Variants in RAB3GAP1 observed in about 807,000 individuals in gnomAD.
The protein encoded by RAB3GAP1 is rab3 GTPase-activating protein catalytic subunit.
A neutral mutation model predicts 130.7 loss-of-function variants in RAB3GAP1; 86 were observed. The observed-to-expected ratio is 0.66, with a 90% CI of 0.55 to 0.79. The LOEUF (loss-of-function observed/expected upper bound fraction) is 0.79. Ranked by LOEUF, RAB3GAP1 falls within the 30% of genes least tolerant of loss-of-function variation. The pLI, the probability that RAB3GAP1 is intolerant of heterozygous loss-of-function variation, is 0.00. For missense variants in RAB3GAP1, 1,029 were observed against 1,169.4 expected (o/e 0.88, Z 1.75); for synonymous variants, 367 against 401.7 (o/e 0.91, Z 1.03).
chr2:135,140,017 T>C (rs1691792094), intron 17 of RAB3GAP1, among the ~76,000 whole-genome samples: 1 of 152,214 alleles, frequency 6.6e-6, no homozygotes, highest in South Asian at 2.1e-4. Context: ...TCATACATTA[T>C]ATACCATTGA....
chr2:135,163,152 A>C (rs764706473), intron 22 of RAB3GAP1, 51 bp downstream of exon 22: 2 of 1,270,624 alleles, frequency 1.6e-6, no homozygotes, highest in East Asian at 4.6e-5. Flanking sequence ...AAAAGCCACC[A>C]CTCTCTTAAG....
At chr2:135,147,830 G>C (rs1692046706) in intron 17 of RAB3GAP1, among the ~76,000 whole-genome samples, 1 of 152,038 alleles carries the variant, frequency 6.6e-6, no homozygotes, top group Admixed American at 6.5e-5. Flanking sequence ...CCATATTGGA[G>C]TCCCTATTTT....
At chr2:135,052,395 C>T in intron 1 of RAB3GAP1, 35 bp from the exon 2 acceptor site, 3 of 1,614,080 alleles carry the variant, frequency 1.9e-6, no homozygotes, top group Non-Finnish European at 2.5e-6. Flanking sequence ...CGCCTTGGGG[C>T]TTAATTTCTT....
chr2:135,154,058 A>AATAATAG (rs1414121993), intron 19 of RAB3GAP1, among the ~76,000 whole-genome samples, 182 bp downstream of exon 19: 1 of 152,212 alleles, frequency 6.6e-6, no homozygotes, highest in Non-Finnish European at 1.5e-5. Flanking sequence ...AAATAGGGCA[A>AATAATAG]ATAATAGGCA....
intron 3 of RAB3GAP1, among the ~76,000 whole-genome samples, chr2:135,075,786 A>G (rs1689615739): frequency 6.6e-6 from 1 of 152,104 alleles, no homozygotes; most frequent in Admixed American, 6.6e-5. Context: ...TCATAGGATC[A>G]AAAACTTTTT....
chr2:135,104,038 G>C (rs1690525376), intron 5 of RAB3GAP1, among the ~76,000 whole-genome samples: 1 of 152,190 alleles, frequency 6.6e-6, no homozygotes. Flanking sequence ...TCATTTAGCA[G>C]AAAGTGAAAG....
At chr2:135,074,030 G>A (rs1027690320) in intron 3 of RAB3GAP1, among the ~76,000 whole-genome samples, 1 of 152,166 alleles carries the variant, frequency 6.6e-6, no homozygotes, top group African/African-American at 2.4e-5. Context: ...CTGGCACTAG[G>A]GCCTTACACT....
chr2:135,130,988 A>G (rs547312340), intron 13 of RAB3GAP1, among the ~76,000 whole-genome samples: 1 of 152,298 alleles, frequency 6.6e-6, no homozygotes, highest in Non-Finnish European at 1.5e-5. Context: ...GAATCAGGGA[A>G]GGCTTCATGA....
intron 13 of RAB3GAP1, among the ~76,000 whole-genome samples, chr2:135,132,670 A>T (rs995042945): frequency 2.0e-4 from 30 of 152,198 alleles, no homozygotes; most frequent in Admixed American, 3.3e-4. Context: ...TTAAGAAAAA[A>T]ATTCTAATTT....
chr2:135,121,414 T>C (rs992792904), intron 8 of RAB3GAP1, among the ~76,000 whole-genome samples: 1 of 152,164 alleles, frequency 6.6e-6, no homozygotes, highest in East Asian at 1.9e-4. Flanking sequence ...ATAATCAAAA[T>C]CAATTTGCCT....
chr2:135,056,803 G>A (rs978927685), intron 2 of RAB3GAP1, among the ~76,000 whole-genome samples: 2 of 152,164 alleles, frequency 1.3e-5, no homozygotes, highest in South Asian at 4.1e-4. Context: ...TAATTTTAAA[G>A]AGGAATTAGT....
chr2:135,079,287 CT>C (rs944078644), intron 3 of RAB3GAP1, among the ~76,000 whole-genome samples: 5 of 152,108 alleles, frequency 3.3e-5, no homozygotes, highest in Admixed American at 2.0e-4. Context: ...CACCTGGCCC[CT>C]ATACTACTTT....
intron 18 of RAB3GAP1, chr2:135,152,967 A>C (rs960101202): frequency 6.6e-6 from 1 of 152,644 alleles, no homozygotes; most frequent in Non-Finnish European, 1.5e-5. Context: ...CCACTGAGTA[A>C]AACTTTAATC....
At chr2:135,174,931 A>C (rs964814921), downstream of RAB3GAP1, among the ~76,000 whole-genome samples, 1 of 152,130 alleles carries the variant, frequency 6.6e-6, no homozygotes, top group Non-Finnish European at 1.5e-5. Context: ...GACGTGCCCT[A>C]TCCTGCCCTG....
intron 5 of RAB3GAP1, among the ~76,000 whole-genome samples, chr2:135,112,189 C>T (rs1396654680): frequency 9.2e-5 from 14 of 152,284 alleles, no homozygotes; most frequent in African/African-American, 3.4e-4. Flanking sequence ...TAGTGGTGAC[C>T]TCAAACTGTA....
Position 135,168,545 on chromosome 2 carries a change from G to T in RAB3GAP1, c.2710G>T (p.Ala904Ser). 6.2e-7 allele frequency: 1 copy of T among 1,613,362 alleles called. No individual in the cohort carries two copies. The highest frequency in any genetic ancestry group is 8.5e-7 in the Non-Finnish European group (1 of 1,179,364). The part of the protein sequence containing the change: ...IHKLFVNAQR[A>S]AAMTPPEEEL... ...ACTTTAGCATTTGATTCTTTTCCAGGCTGCAGCTATGACTCCACCAGAGGA... is the reference window on the plus strand; with the variant it reads ...ACTTTAGCATTTGATTCTTTTCCAGTCTGCAGCTATGACTCCACCAGAGGA... The change falls in exon 24 of 24, where the codon GCT becomes TCT. Residue 904 changes from alanine to serine, a missense_variant and splice_region_variant. By Grantham distance (99) the Ala-to-Ser change is moderately conservative. Coordinates refer to ENST00000264158, the MANE Select transcript of RAB3GAP1 (RefSeq NM_012233.3).
At chr2:135,136,836 T>C in intron 17 of RAB3GAP1, 1 of 480,014 alleles carries the variant, frequency 2.1e-6, no homozygotes, top group Non-Finnish European at 3.2e-6. Context: ...GGCTCAAGCC[T>C]GCAAGCCCCA....
In RAB3GAP1 at chr2:135,153,857, A is replaced by C. The variant is rs1692240470; in HGVS notation, c.2270A>C (p.Asp757Ala). The change falls in exon 19 of 24, where the codon GAT becomes GCT. Residue 757 changes from aspartate (D) to alanine (A), a missense_variant. Asp to Ala is a moderately radical substitution (Grantham distance 126, BLOSUM62 -2). Around this residue, in one of 3 missense-constraint regions of RAB3GAP1, gnomAD observed 373 missense variants for 493.6 expected, o/e 0.76. Coordinates refer to ENST00000264158, the MANE Select transcript of RAB3GAP1 (RefSeq NM_012233.3). ...PARRQRRLFD[D>A]TREAEKVLHY... is the part of the protein sequence containing the mutation. ...AGAAGGCAAAGGAGACTCTTTGATGATACACGGGAAGCAGAAAAGGTAATT... is the reference window on the plus strand; with the variant it reads ...AGAAGGCAAAGGAGACTCTTTGATGCTACACGGGAAGCAGAAAAGGTAATT... 1 of 1,613,688 alleles carries C rather than the reference A, an allele frequency of 6.2e-7. No individual in the cohort carries two copies. The highest frequency in any genetic ancestry group is 8.5e-7 in the Non-Finnish European group (1 of 1,179,744).
intron 17 of RAB3GAP1, among the ~76,000 whole-genome samples, chr2:135,145,938 A>G (rs944586023): frequency 3.9e-5 from 6 of 152,170 alleles, no homozygotes; most frequent in Non-Finnish European, 2.9e-5. Context: ...CATGAATTTT[A>G]ATAAAGTACC....
Sources: gnomAD v4.1 joint callset for allele counts (sites outside exome capture counted in the v4.1 genomes callset) on GRCh38, gnomAD v4.1.1 for gene constraint, gnomAD v4.1.1 regional missense constraint, MANE v1.5 for transcripts, NCBI Gene and HGNC (gene_info 2026-07-23, HGNC 2026-07-21) for gene names.